Variants in PEX6 observed in about 807,000 individuals in gnomAD.
The protein encoded by PEX6 is peroxisome biogenesis factor 6.
A neutral mutation model predicts 85.6 loss-of-function variants in PEX6; 55 were observed. The observed-to-expected ratio is 0.64, with a 90% CI of 0.52 to 0.80. PEX6 has a LOEUF of 0.80. Among genes scored for constraint, PEX6 ranks in the 30% least tolerant of loss-of-function variants. PEX6 has a pLI of 0.00. For synonymous variants in PEX6, 519 were observed against 549.1 expected (o/e 0.95, Z 0.77); for missense variants, 1,099 against 1,260.3 (o/e 0.87, Z 1.94).
chr6:42,965,037 G>A lies in PEX6; in HGVS notation c.2666+38C>T, dbSNP rs769141480. On this transcript the variant is annotated intron_variant, in intron 15 of 16. Transcript: ENST00000304611. This position sits in a 1 kb window ranked among gnomAD's most constrained non-coding sequence, Gnocchi z 5.0. Reference sequence around the variant, plus strand: ...GCATGCATCCCCTAAGCATCCCAAGGCCCAAGCCCTTCGCAGTCTTCCTCT... The same window carrying A: ...GCATGCATCCCCTAAGCATCCCAAGACCCAAGCCCTTCGCAGTCTTCCTCT... 1 of 1,612,404 alleles carries A rather than the reference G, an allele frequency of 6.2e-7. No individual in the cohort carries two copies. The highest frequency in any genetic ancestry group is 1.7e-5 in the Admixed American group (1 of 59,998).
Position 42,966,102 on chromosome 6 carries a change from C to T in PEX6, c.2304G>A (p.Val768=), listed in dbSNP as rs1387258527. The change falls in exon 12 of 17, where the codon GTG becomes GTA. Residue 768 remains valine (V), a synonymous_variant. Transcript: ENST00000304611. ...ATECSLTFLS[V]KGPELINMYV... The stretch of plus-strand genomic sequence containing the variant: ...ACATGTTAATGAGCTCTGGCCCCTT[C>T]ACGCTGAGTGAGAGGATGTGAGAAG... The T allele has an allele frequency of 6.2e-7, 1 of 1,614,170 alleles. No homozygotes were observed. Among genetic ancestry groups the T allele is most frequent in the Admixed American group, 1.7e-5 (1 of 60,020 alleles).
intron 1 of PEX6, among the ~76,000 whole-genome samples, chr6:42,977,251 C>CCTTTTTTTTTT (rs34536442): frequency 1.6e-5 from 2 of 126,678 alleles, no homozygotes; most frequent in African/African-American, 6.4e-5. Context: ...TGAAACCTCA[C>CCTTTTTTTTTT]TTTTTTTTTT....
In PEX6 at chr6:42,965,186, A is replaced by G; in HGVS notation, c.2589-34T>C. 6.2e-7 allele frequency: 1 copy of G among 1,612,542 alleles called. No individual in the cohort carries two copies. Among genetic ancestry groups the G allele is most frequent in the South Asian group, 1.1e-5 (1 of 91,056 alleles). On this transcript the variant is annotated intron_variant, in intron 14 of 16. Transcript: ENST00000304611. This position sits in a 1 kb window ranked among gnomAD's most constrained non-coding sequence, Gnocchi z 5.0. The stretch of plus-strand genomic sequence containing the variant: ...AGATAGGCAGGTATAAGTTTCAGGG[A>G]GCCCAGCCATGAGGGGTGAAGGAGG...
At position 42,964,812 on chromosome 6, in the gene PEX6, G is replaced by GA; in HGVS notation, c.2783_2784insT (p.Arg929GlnfsTer4). The GA allele has an allele frequency of 6.2e-7, 1 of 1,614,080 alleles. No individual in the cohort carries two copies. The highest frequency in any genetic ancestry group is 8.5e-7 in the Non-Finnish European group (1 of 1,180,030). On this transcript the variant is annotated frameshift_variant, in exon 16 of 17. Coordinates refer to ENST00000304611, the MANE Select transcript of PEX6 (RefSeq NM_000287.4). LOFTEE classifies it high-confidence loss of function. This position sits in a 1 kb window ranked among gnomAD's most constrained non-coding sequence, Gnocchi z 4.6. The stretch of plus-strand genomic sequence containing the variant: ...CACCTTCCTCCAGGTCATGAACCCT[G>GA]CGTTTGAGGGCAGCTGTCATAGCAT...
chr6:42,966,814 G>A lies in PEX6; in HGVS notation c.1929C>T (p.Ser643=). ...TCTTGATCCTGGTGCAGGCTGCCCG[G>A]CTGCTGTGGGTCAGAAGGGCATAGA... ...GDLYALLTHS[S]RAACTRIKNS... Residue 643 remains serine, a synonymous_variant, in exon 9 of 17, where the codon AGC becomes AGT. Transcript: ENST00000304611. The A allele has an allele frequency of 6.2e-7, 1 of 1,613,796 alleles. No individual in the cohort carries two copies. The highest frequency in any genetic ancestry group is 8.5e-7 in the Non-Finnish European group (1 of 1,180,000).
Position 42,965,694 on chromosome 6 carries a change from C to T in PEX6, c.2458G>A (p.Gly820Arg). The T allele has an allele frequency of 1.9e-6, 3 of 1,613,248 alleles. No homozygotes were observed. The highest frequency in any genetic ancestry group is 2.2e-5 in the East Asian group (1 of 44,878). ...TCAGACCCCTACCTGTCCATCACTC[C>T]TCCAGAATCTCCACTTCGCCCCCGG... ...PSRGRSGDSG[G>R]VMDRVVSQLL... Residue 820 changes from glycine to arginine, a missense_variant, in exon 13 of 17, where the codon GGA becomes AGA. Gly to Arg is a moderately radical substitution (Grantham distance 125). This residue lies in a region of PEX6 where 514 missense variants were observed against 627.0 expected (regional missense o/e 0.82). Transcript: ENST00000304611. The surrounding 1 kb of genome is among the most constrained non-coding windows in gnomAD (Gnocchi z 5.0).
At chr6:42,966,168 G>C in intron 11 of PEX6, 63 bp from the exon 12 acceptor site, 1 of 1,609,438 alleles carries the variant, frequency 6.2e-7, no homozygotes, top group Non-Finnish European at 8.5e-7. Flanking sequence ...TTGACCTCTT[G>C]GGCAGCCCCT....
At position 42,974,462 on chromosome 6, in the gene PEX6, T is replaced by TTG. The variant is rs1240894662; in HGVS notation, c.1047-377_1047-376insCA. On this transcript the variant is annotated intron_variant, in intron 2 of 16. Transcript: ENST00000304611. ...GAAATGTTTTTTTTGTTTTTTTTTTTTTTTTTTTTTTTTGAGACGGAGTCT... is the reference window on the plus strand; with the variant it reads ...GAAATGTTTTTTTTGTTTTTTTTTTTTGTTTTTTTTTTTTTGAGACGGAGTCT... Among the ~76,000 whole-genome samples, 14 of 137,402 alleles carry TTG rather than the reference T, an allele frequency of 1.0e-4. No individual in the cohort carries two copies. In the East Asian group the frequency reaches 1.8e-3, roughly 18 times the overall value. 90.1% of individuals were successfully genotyped at this position (137,402 alleles called of 152,430 possible).
At position 42,968,494 on chromosome 6, in the gene PEX6, G is replaced by A. The variant is rs762174122; in HGVS notation, c.1484C>T (p.Pro495Leu). The A allele has an allele frequency of 6.4e-7, 1 of 1,569,632 alleles. No homozygotes were observed. The highest frequency in any genetic ancestry group is 1.9e-5 in the Admixed American group (1 of 52,554). The change falls in exon 7 of 17, where the codon CCC becomes CTC. Residue 495 changes from proline to leucine, a missense_variant. Transcript: ENST00000304611. ...ACTTTCTGCACAGAGGCTGGAGCAG[G>A]GCACCTGGGGAGGGGATCCCAATGG... ...SHLGLHLLKV[P>L]CSSLCAESSG...
At chr6:42,974,451 GTTTTT>G (rs541877938) in intron 2 of PEX6, among the ~76,000 whole-genome samples, 4 of 61,016 alleles carry the variant, frequency 6.6e-5, no homozygotes, top group Non-Finnish European at 1.0e-4. Context: ...TGTTTTTTTT[GTTTTT>G]TTTTTTTTTT....
chr6:42,966,540 G>A lies in PEX6; in HGVS notation c.2079C>T (p.Ala693=), dbSNP rs774509670. Residue 693 remains alanine, a synonymous_variant, in exon 10 of 17, where the codon GCC becomes GCT. Coordinates refer to ENST00000304611, the MANE Select transcript of PEX6 (RefSeq NM_000287.4). The part of the protein sequence containing the change: ...LEQLQTAHSQ[A]VGAPKIPSVS... ...TGGTCTCCACCTTGGGGGCTCCAAC[G>A]GCCTGGGAGTGAGCTGTCTGCAGTT... The A allele has an allele frequency of 9.3e-6, 15 of 1,614,026 alleles. No homozygotes were observed. Among genetic ancestry groups the A allele is most frequent in the Middle Eastern group, 1.6e-4 (1 of 6,084 alleles).
Position 42,978,661 on chromosome 6 carries a change from C to T in PEX6, c.490G>A (p.Ala164Thr), listed in dbSNP as rs754947387. The change falls in exon 1 of 17, where the codon GCC becomes ACC. Residue 164 changes from alanine to threonine, a missense_variant. Physicochemically the swap from Ala to Thr is moderately conservative, Grantham distance 58. Coordinates refer to ENST00000304611, the MANE Select transcript of PEX6 (RefSeq NM_000287.4). ...TCCCCAGACTCTGGACACAGTCTGG[C>T]CCGCCCGCGGAGCTCAGTCACAGCC... ...RLAVTELRGRARLCPESGDSS... is the reference protein window; with the variant it reads ...RLAVTELRGRTRLCPESGDSS... 1.9e-6 allele frequency: 3 copies of T among 1,566,980 alleles called. No individual in the cohort carries two copies. The highest frequency in any genetic ancestry group is 3.7e-5 in the Admixed American group (2 of 53,658).
At chr6:42,974,257 G>A (rs1263674100) in intron 2 of PEX6, among the ~76,000 whole-genome samples, 171 bp from the exon 3 acceptor site, 1 of 152,080 alleles carries the variant, frequency 6.6e-6, no homozygotes, top group Admixed American at 6.6e-5. Context: ...TAGGGGAAAT[G>A]GTGGAGAGAC....
rs112796168 is a variant in PEX6 at position 42,967,258 on chromosome 6, G to A, written c.1884+110C>T. The A allele has an allele frequency of 6.0e-3, 6,655 of 1,100,468 alleles. 229 individuals are homozygous for A. In the African/African-American group the frequency reaches 0.083, roughly 14 times the overall value. The allele number at this position is 1,100,468 out of a possible 1,614,324, so 68.2% of individuals were successfully genotyped here. On this transcript the variant is annotated intron_variant, in intron 8 of 16. Transcript: ENST00000304611. ...TGCTAGGATTACAGGCGTGAGCCAC[G>A]GCGCCCGCGCTGGGTTTTCTACTCT...
intron 3 of PEX6, 53 bp from the exon 4 acceptor site, chr6:42,970,040 C>T: frequency 7.2e-6 from 10 of 1,396,962 alleles, no homozygotes; most frequent in Non-Finnish European, 1.0e-5. Flanking sequence ...AAACCCCCCT[C>T]CTCAAGGACA....
At chr6:42,973,673 C>T (rs187350047) in intron 3 of PEX6, among the ~76,000 whole-genome samples, 9 of 152,134 alleles carry the variant, frequency 5.9e-5, no homozygotes, top group Non-Finnish European at 8.8e-5. Context: ...GTCAACATGG[C>T]GAAACCCTAT....
chr6:42,964,006 A>G lies in PEX6; in HGVS notation c.*329T>C. On this transcript the variant is annotated 3_prime_UTR_variant, in exon 17 of 17. Transcript: ENST00000304611. This position sits in a 1 kb window ranked among gnomAD's most constrained non-coding sequence, Gnocchi z 4.6. The stretch of plus-strand genomic sequence containing the variant: ...CTCCAACCTTTCATGCCACAACACC[A>G]GTAGGGGGCGGGACATGCTTTATTT... The G allele has an allele frequency of 4.0e-6, 2 of 503,106 alleles. No individual in the cohort carries two copies. Among genetic ancestry groups the G allele is most frequent in the Non-Finnish European group, 7.0e-6 (2 of 284,512 alleles). 31.2% of individuals were successfully genotyped at this position (503,106 alleles called of 1,614,324 possible).
Position 42,966,512 on chromosome 6 carries a change from A to G in PEX6, c.2094+13T>C, listed in dbSNP as rs1248208862. On this transcript the variant is annotated intron_variant, in intron 10 of 16. Coordinates refer to ENST00000304611, the MANE Select transcript of PEX6 (RefSeq NM_000287.4). ...AGGGGCTCCTGTCCCACCTCCAAGG[A>G]CTTGGTCTCCACCTTGGGGGCTCCA... 6.8e-6 allele frequency: 11 copies of G among 1,614,070 alleles called. No homozygotes were observed. Among genetic ancestry groups the G allele is most frequent in the Non-Finnish European group, 9.3e-6 (11 of 1,180,004 alleles).
chr6:42,968,919 T>C lies in PEX6; in HGVS notation c.1434A>G (p.Thr478=), dbSNP rs1282729800. ...GGTGACTACAGGCAGCAGCAACTAC[T>C]GTGGTCTTCCCACAGCCTGGGGGGC... is the stretch of plus-strand genomic sequence containing the variant. ...LRGPPGCGKT[T]VVAAACSHLG... The change falls in exon 6 of 17, where the codon ACA becomes ACG. Residue 478 remains threonine (T), a synonymous_variant. Coordinates refer to ENST00000304611, the MANE Select transcript of PEX6 (RefSeq NM_000287.4). The C allele has an allele frequency of 6.2e-7, 1 of 1,614,122 alleles. No individual in the cohort carries two copies. The highest frequency in any genetic ancestry group is 8.5e-7 in the Non-Finnish European group (1 of 1,180,004).
Sources: gnomAD v4.1 joint callset for allele counts (sites outside exome capture counted in the v4.1 genomes callset) on GRCh38, gnomAD v4.1.1 for gene constraint, gnomAD v4.1.1 regional missense constraint, Gnocchi (gnomAD v3.1) non-coding constraint, MANE v1.5 for transcripts, NCBI Gene and HGNC (gene_info 2026-07-23, HGNC 2026-07-21) for gene names.